Variants in MYO3B observed in about 807,000 individuals in gnomAD.
The protein encoded by MYO3B is myosin-IIIb.
A neutral mutation model predicts 174.6 loss-of-function variants in MYO3B; 156 were observed. The ratio of observed to expected loss-of-function variants is 0.89; its 90% CI spans 0.78 to 1.02. The LOEUF (loss-of-function observed/expected upper bound fraction) is 1.02. Ranked by LOEUF, MYO3B falls within the 50% of genes least tolerant of loss-of-function variation. MYO3B has a pLI of 0.00. For synonymous variants in MYO3B, 563 were observed against 569.1 expected (o/e 0.99, Z 0.15); for missense variants, 1,632 against 1,639.4 (o/e 1.00, Z 0.08).
intron 32 of MYO3B, among the ~76,000 whole-genome samples, chr2:170,585,252 C>G (rs1285705038): frequency 6.6e-6 from 1 of 152,206 alleles, no homozygotes; most frequent in Non-Finnish European, 1.5e-5. Context: ...CAGGTTTCTA[C>G]TAGCCTAAAT....
At chr2:170,648,910 TATATATAATATATATAAAATATG>T (rs1559200367) in intron 32 of MYO3B, among the ~76,000 whole-genome samples, 1 of 71,018 alleles carries the variant, frequency 1.4e-5, no homozygotes, top group Non-Finnish European at 2.6e-5. Flanking sequence ...GTATATAAAA[TATATATAATATATATAAAATATG>T]ATATATAATA....
intron 3 of MYO3B, among the ~76,000 whole-genome samples, chr2:170,205,084 G>A (rs1408101727): frequency 1.3e-5 from 2 of 152,136 alleles, no homozygotes; most frequent in Admixed American, 6.5e-5. Context: ...GTTTCTGTGA[G>A]TTCTGGGAAG....
chr2:170,302,472 A>G (rs2093672297), intron 7 of MYO3B, among the ~76,000 whole-genome samples: 1 of 152,202 alleles, frequency 6.6e-6, no homozygotes, highest in Non-Finnish European at 1.5e-5. Context: ...CCTAGTGACA[A>G]TGGCCCCAAT....
At chr2:170,263,903 G>A (rs191011945) in intron 7 of MYO3B, among the ~76,000 whole-genome samples, 2 of 152,284 alleles carry the variant, frequency 1.3e-5, no homozygotes, top group Admixed American at 1.3e-4. Flanking sequence ...CCCTTCCCGT[G>A]AGGCCATATC....
At chr2:170,332,541 A>C (rs2093919060) in intron 7 of MYO3B, among the ~76,000 whole-genome samples, 1 of 152,230 alleles carries the variant, frequency 6.6e-6, no homozygotes, top group Admixed American at 6.5e-5. Context: ...GAAGTCTTCA[A>C]ATTCATTGGG....
intron 23 of MYO3B, among the ~76,000 whole-genome samples, chr2:170,444,851 C>T (rs1000504068): frequency 3.3e-5 from 5 of 152,146 alleles, no homozygotes; most frequent in Admixed American, 2.0e-4. Context: ...TGCTACTTCA[C>T]GGCAAAACAT....
chr2:170,525,523 A>T (rs1688941999), intron 30 of MYO3B, among the ~76,000 whole-genome samples: 2 of 152,186 alleles, frequency 1.3e-5, no homozygotes, highest in South Asian at 4.1e-4. Flanking sequence ...AAGAGGCAGG[A>T]GATTGATAAT....
chr2:170,613,626 A>C (rs948270063), intron 32 of MYO3B, among the ~76,000 whole-genome samples: 4 of 152,192 alleles, frequency 2.6e-5, no homozygotes, highest in Non-Finnish European at 5.9e-5. Context: ...GATCCTGGGT[A>C]TGTCTGTGAG....
chr2:170,499,927 C>G, intron 27 of MYO3B, 119 bp downstream of exon 27: 1 of 748,488 alleles, frequency 1.3e-6, no homozygotes, highest in Non-Finnish European at 2.1e-6. Context: ...TCTCCCCTCC[C>G]TCCCTCCCTT....
intron 32 of MYO3B, among the ~76,000 whole-genome samples, chr2:170,573,227 G>GTGTATATATATATATATATATA (rs1446970724): frequency 2.2e-5 from 1 of 46,474 alleles, no homozygotes; most frequent in Non-Finnish European, 7.8e-5. Context: ...TATACTGTGT[G>GTGTATATATATATATATATATA]TATATATATA....
At chr2:170,336,560 C>A (rs1041991371) in intron 8 of MYO3B, among the ~76,000 whole-genome samples, 4 of 152,092 alleles carry the variant, frequency 2.6e-5, no homozygotes, top group African/African-American at 4.8e-5. Context: ...CTTATGTGAA[C>A]TGATTTGATG....
intron 8 of MYO3B, among the ~76,000 whole-genome samples, chr2:170,366,293 T>G (rs1032355829): frequency 2.0e-5 from 3 of 152,038 alleles, no homozygotes; most frequent in African/African-American, 7.2e-5. Context: ...GCACTTTTTT[T>G]TGTTTGTTTT....
intron 32 of MYO3B, among the ~76,000 whole-genome samples, chr2:170,551,350 TTATTTATTTA>T (rs1690884773): frequency 1.0e-5 from 1 of 98,194 alleles, no homozygotes; most frequent in African/African-American, 3.0e-5. Context: ...TTTAATTTAA[TTATTTATTTA>T]TTTATTTATT....
chr2:170,201,402 G>A (rs573498284), intron 3 of MYO3B, among the ~76,000 whole-genome samples: 42 of 152,160 alleles, frequency 2.8e-4, no homozygotes, highest in Non-Finnish European at 4.6e-4. Flanking sequence ...TAAGAGAGAA[G>A]CACCAGGGGA....
At chr2:170,564,175 T>A (rs1268682966) in intron 32 of MYO3B, among the ~76,000 whole-genome samples, 2 of 152,190 alleles carry the variant, frequency 1.3e-5, no homozygotes, top group Admixed American at 1.3e-4. Flanking sequence ...ATGAAATGGC[T>A]ATAAAATTCT....
chr2:170,328,744 G>A (rs934006156), intron 7 of MYO3B, among the ~76,000 whole-genome samples: 3 of 151,808 alleles, frequency 2.0e-5, no homozygotes, highest in South Asian at 2.1e-4. Context: ...ATGCCATTTA[G>A]GTATGAAAGT....
chr2:170,507,455 A>G (rs1256330807), intron 28 of MYO3B, among the ~76,000 whole-genome samples: 1 of 151,672 alleles, frequency 6.6e-6, no homozygotes, highest in South Asian at 2.1e-4. Context: ...GCTGGGGTGC[A>G]ATGGTGCGTT....
chr2:170,542,191 C>CATTA (rs1324420484), intron 30 of MYO3B, among the ~76,000 whole-genome samples: 104 of 152,280 alleles, frequency 6.8e-4, no homozygotes, highest in Middle Eastern at 3.4e-3. Context: ...TTCCACTCTG[C>CATTA]TGGTTCCATC....
At chr2:170,483,088 G>A (rs950144724) in intron 25 of MYO3B, among the ~76,000 whole-genome samples, 1 of 152,256 alleles carries the variant, frequency 6.6e-6, no homozygotes, top group Non-Finnish European at 1.5e-5. Context: ...GGAATCTGTA[G>A]TGGTGGTTTG....
Sources: allele counts gnomAD v4.1 joint callset (sites outside exome capture counted in the v4.1 genomes callset), GRCh38; gene constraint gnomAD v4.1.1; transcripts MANE v1.5; gene names NCBI Gene and HGNC (gene_info 2026-07-23, HGNC 2026-07-21).